The following PDE8A variants were observed in gnomAD, a reference collection of about 807,000 sequenced individuals.
PDE8A encodes high affinity cAMP-specific and IBMX-insensitive 3',5'-cyclic phosphodiesterase 8A.
PDE8A carries 59 observed loss-of-function variants against 105.0 expected under a neutral mutation model. That is an observed-to-expected ratio of 0.56 (90% confidence interval 0.46 to 0.70). The LOEUF is 0.70. Ranked by LOEUF, PDE8A falls within the 30% of genes least tolerant of loss-of-function variation. The pLI is 0.00. For missense variants in PDE8A, 1,014 were observed against 1,045.9 expected (o/e 0.97, Z 0.42); for synonymous variants, 355 against 371.9 (o/e 0.95, Z 0.52).
At position 85,120,995 on chromosome 15, in the gene PDE8A, A is replaced by G. The variant is rs2141622050; in HGVS notation, c.1933A>G (p.Ile645Val). 6.2e-7 allele frequency: 1 copy of G among 1,609,792 alleles called. No homozygotes were observed. The highest frequency in any genetic ancestry group is 8.5e-7 in the Non-Finnish European group (1 of 1,177,050). ...QLTTGDDKCNIFKNMERNDYR... is the reference protein window; with the variant it reads ...QLTTGDDKCNVFKNMERNDYR... Reference sequence around the variant, plus strand: ...GACCACTGGAGATGATAAATGCAATATATTTAAAAACATGGAGAGGTAAGA... The same window carrying G: ...GACCACTGGAGATGATAAATGCAATGTATTTAAAAACATGGAGAGGTAAGA... The change falls in exon 18 of 22, where the codon ATA becomes GTA. Residue 645 changes from isoleucine to valine, a missense_variant. Coordinates refer to ENST00000394553, the MANE Select transcript of PDE8A (RefSeq NM_002605.3).
chr15:85,008,244 C>G (rs1239018114), intron 1 of PDE8A, among the ~76,000 whole-genome samples: 1 of 152,006 alleles, frequency 6.6e-6, no homozygotes, highest in Non-Finnish European at 1.5e-5. Context: ...CCTGCATAGT[C>G]AGTGGCTCAG....
At chr15:85,092,036 AT>A (rs1397250570) in intron 8 of PDE8A, among the ~76,000 whole-genome samples, 3 of 150,688 alleles carry the variant, frequency 2.0e-5, no homozygotes, top group Non-Finnish European at 2.9e-5. Flanking sequence ...TGTCTCCCCT[AT>A]GGCATTTGGC....
rs376963912 is a variant in PDE8A, at chr15:85,014,516, G to A, written c.186+32168G>A. 4.6e-5 allele frequency among the ~76,000 whole-genome samples: 7 copies of A among 152,062 alleles called. No individual in the cohort carries two copies. In the East Asian group the frequency reaches 9.6e-4, roughly 21 times the overall value. ...TTATTATACCAGTTTTCAGAATAAT[G>A]GTTTGACTTCCTAATATCCTCCAAA... On this transcript the variant is annotated intron_variant, in intron 1 of 21. Transcript: ENST00000394553.
At chr15:85,106,219 G>A (rs1596525356) in intron 11 of PDE8A, among the ~76,000 whole-genome samples, 1 of 151,960 alleles carries the variant, frequency 6.6e-6, no homozygotes, top group East Asian at 1.9e-4. Flanking sequence ...TGGAAATGCT[G>A]TCGTCCTCCT....
intron 6 of PDE8A, among the ~76,000 whole-genome samples, chr15:85,085,843 A>G (rs1446489799): frequency 6.6e-6 from 1 of 152,028 alleles, no homozygotes; most frequent in Admixed American, 6.5e-5. Context: ...CCCCGTCTCT[A>G]CTAAAAAAAA....
chr15:85,109,350 A>G (rs1323336738), intron 12 of PDE8A, among the ~76,000 whole-genome samples: 3 of 152,228 alleles, frequency 2.0e-5, no homozygotes, highest in Non-Finnish European at 4.4e-5. Flanking sequence ...AAAAGGAAGA[A>G]GATACATTTC....
At chr15:85,097,925 C>A in intron 8 of PDE8A, 23 bp from the exon 9 acceptor site, 2 of 1,275,560 alleles carry the variant, frequency 1.6e-6, no homozygotes, top group Non-Finnish European at 2.3e-6. Context: ...CAAAGTATGA[C>A]GATGCTTACA....
At chr15:85,133,650 T>C (rs2082360993) in intron 20 of PDE8A, among the ~76,000 whole-genome samples, 1 of 152,178 alleles carries the variant, frequency 6.6e-6, no homozygotes, top group Non-Finnish European at 1.5e-5. Context: ...AATGAGGACT[T>C]GGAGCTTCCT....
At chr15:85,118,409 C>T (rs914371494) in intron 17 of PDE8A, among the ~76,000 whole-genome samples, 3 of 152,180 alleles carry the variant, frequency 2.0e-5, no homozygotes, top group Admixed American at 6.5e-5. Context: ...TTCTCAGATT[C>T]ATCTCCTGCT....
In PDE8A at chr15:84,982,269, G is replaced by T. The variant is rs751150974; in HGVS notation, c.107G>T (p.Gly36Val). The T allele has an allele frequency of 2.1e-6, 3 of 1,441,912 alleles. No homozygotes were observed. Among genetic ancestry groups the T allele is most frequent in the South Asian group, 2.8e-5 (2 of 72,586 alleles). The allele number at this position is 1,441,912 out of a possible 1,614,324, so 89.3% of individuals were successfully genotyped here. A position where few individuals can be genotyped will look rare whatever the true frequency, so the allele number is the denominator to read the frequency against. Residue 36 changes from glycine to valine, a missense_variant, in exon 1 of 22, where the codon GGC (glycine) becomes GTC (valine). Physicochemically the swap from Gly to Val is moderately radical, Grantham distance 109 (BLOSUM62 -3). Transcript: ENST00000394553. ...LSSGGPRLPQGQKTAALPRTR... is the reference protein window; with the variant it reads ...LSSGGPRLPQVQKTAALPRTR... ...TCCGGCGGGCCGCGCCTCCCGCAGG[G>T]CCAGAAGACGGCCGCCTTGCCCCGG...
chr15:85,116,130 G>A lies in PDE8A; in HGVS notation c.1535+11G>A. 2 of 1,613,446 alleles carry A rather than the reference G, an allele frequency of 1.2e-6. No homozygotes were observed. Among genetic ancestry groups the A allele is most frequent in the Non-Finnish European group, 1.7e-6 (2 of 1,179,492 alleles). ...TGCCACCCACAATAGGTGAGTTCAT[G>A]CAGAGCTCAGCAGCGGGAGAACTAG... On this transcript the variant is annotated intron_variant, in intron 16 of 21. Transcript: ENST00000394553.
chr15:85,035,636 A>G (rs942458197), intron 1 of PDE8A, among the ~76,000 whole-genome samples: 1 of 152,242 alleles, frequency 6.6e-6, no homozygotes, highest in Middle Eastern at 3.2e-3. Context: ...ACTAATAAAT[A>G]AATGAATGAA....
At chr15:85,129,726 C>T (rs1286321802) in intron 20 of PDE8A, among the ~76,000 whole-genome samples, 1 of 151,946 alleles carries the variant, frequency 6.6e-6, no homozygotes, top group Non-Finnish European at 1.5e-5. Context: ...CTTCCTTTTG[C>T]TAGCGTTAGG....
chr15:85,091,539 A>G (rs2081643594), intron 8 of PDE8A, among the ~76,000 whole-genome samples: 1 of 152,230 alleles, frequency 6.6e-6, no homozygotes, highest in African/African-American at 2.4e-5. Context: ...CTCAGAAAAC[A>G]TCTGAGCCCA....
intron 1 of PDE8A, among the ~76,000 whole-genome samples, chr15:85,017,405 GT>G (rs1385230010): frequency 3.9e-5 from 6 of 152,072 alleles, no homozygotes; most frequent in Non-Finnish European, 5.9e-5. Context: ...TGTAAATAGA[GT>G]TTTACCTCTT....
At chr15:84,987,147 T>G (rs1255150205) in intron 1 of PDE8A, among the ~76,000 whole-genome samples, 1 of 152,248 alleles carries the variant, frequency 6.6e-6, no homozygotes, top group Non-Finnish European at 1.5e-5. Flanking sequence ...CTCATTGTGT[T>G]CTTGTGCTTT....
intron 5 of PDE8A, 120 bp from the exon 6 acceptor site, chr15:85,083,436 G>A: frequency 1.6e-6 from 1 of 623,964 alleles, no homozygotes; most frequent in Non-Finnish European, 2.9e-6. Context: ...CATCATTAAT[G>A]ATAAAGTATT....
intron 1 of PDE8A, among the ~76,000 whole-genome samples, chr15:85,040,909 T>TAAAGAGA (rs1400875982): frequency 4.0e-5 from 6 of 149,748 alleles, no homozygotes; most frequent in Non-Finnish European, 8.9e-5. Context: ...GTAGATCTCA[T>TAAAGAGA]TGTCTTTATT....
intron 1 of PDE8A, among the ~76,000 whole-genome samples, chr15:85,019,828 C>T (rs911852274): frequency 6.6e-6 from 1 of 152,054 alleles, no homozygotes; most frequent in Admixed American, 6.5e-5. Context: ...GATCTGCCCA[C>T]CTTGGCCTCA....
Sources: allele counts gnomAD v4.1 joint callset (sites outside exome capture counted in the v4.1 genomes callset), GRCh38; gene constraint gnomAD v4.1.1; transcripts MANE v1.5; gene names NCBI Gene and HGNC (gene_info 2026-07-23, HGNC 2026-07-21).